SDR9C7: variants seen among roughly 807,000 people sequenced by gnomAD.
SDR9C7 encodes short chain dehydrogenase/reductase family 9C member 7.
In SDR9C7, 11 loss-of-function variants were observed where a neutral mutation model predicts 23.6. The observed-to-expected ratio is 0.47, with a 90% CI of 0.29 to 0.77. SDR9C7 has a LOEUF of 0.77. Among genes scored for constraint, SDR9C7 ranks in the 30% least tolerant of loss-of-function variants. SDR9C7 has a pLI of 0.09. For missense variants in SDR9C7, 387 were observed against 407.1 expected (o/e 0.95, Z 0.42); for synonymous variants, 167 against 157.3 (o/e 1.06, Z -0.46).
Position 56,923,618 on chromosome 12 carries a change from A to T in SDR9C7, c.*215T>A, listed in dbSNP as rs2136365261. 2.2e-6 allele frequency: 1 copy of T among 451,458 alleles called. No individual in the cohort carries two copies. The highest frequency in any genetic ancestry group is 5.7e-4 in the Middle Eastern group (1 of 1,764). The allele number at this position is 451,458 out of a possible 1,614,324, so 28.0% of individuals were successfully genotyped here. A position where few individuals can be genotyped will look rare whatever the true frequency, so the allele number is the denominator to read the frequency against. ...GCTGCAGATCGCTGAACCTGCAAAGACCACCTCAGGTTTCTGTGGGGTCCC... is the reference window on the plus strand; with the variant it reads ...GCTGCAGATCGCTGAACCTGCAAAGTCCACCTCAGGTTTCTGTGGGGTCCC... On this transcript the variant is annotated 3_prime_UTR_variant, in exon 4 of 4. Coordinates refer to ENST00000293502, the MANE Select transcript of SDR9C7 (RefSeq NM_148897.3).
At chr12:56,930,122 A>C in intron 2 of SDR9C7, 104 bp downstream of exon 2, 7 of 1,349,554 alleles carry the variant, frequency 5.2e-6, no homozygotes, top group Non-Finnish European at 7.2e-6. Context: ...CTATTGTGTT[A>C]GCTTCCTGTC....
intron 1 of SDR9C7, among the ~76,000 whole-genome samples, chr12:56,932,150 T>C (rs1001732934): frequency 6.6e-6 from 1 of 152,202 alleles, no homozygotes; most frequent in East Asian, 1.9e-4. Context: ...GAATTAAGGT[T>C]GCAGGTGGAA....
intron 1 of SDR9C7, 115 bp from the exon 2 acceptor site, chr12:56,930,599 C>T (rs1955763225): frequency 1.7e-6 from 2 of 1,151,906 alleles, no homozygotes; most frequent in East Asian, 5.1e-5. Flanking sequence ...CAAGACATAA[C>T]TCGGTCAGGC....
At chr12:56,928,357 A>T (rs1173709482) in intron 3 of SDR9C7, among the ~76,000 whole-genome samples, 1 of 152,136 alleles carries the variant, frequency 6.6e-6, no homozygotes, top group East Asian at 1.9e-4. Context: ...CCTCAAAGTC[A>T]ACTCAGAAGC....
At chr12:56,925,732 A>G (rs1016545487) in intron 3 of SDR9C7, among the ~76,000 whole-genome samples, 7 of 152,230 alleles carry the variant, frequency 4.6e-5, no homozygotes, top group Admixed American at 2.6e-4. Flanking sequence ...GCTGGCACAG[A>G]GGCCACCAGC....
chr12:56,924,206 A>T (rs1955717436), intron 3 of SDR9C7, among the ~76,000 whole-genome samples, 156 bp from the exon 4 acceptor site: 1 of 152,156 alleles, frequency 6.6e-6, no homozygotes, highest in Admixed American at 6.5e-5. Flanking sequence ...ACAAACACAC[A>T]TTTATAAGAC....
At position 56,934,226 on chromosome 12, in the gene SDR9C7, G is replaced by T; in HGVS notation, c.36C>A (p.Arg12=). The change falls in exon 1 of 4, where the codon CGC becomes CGA. Residue 12 remains arginine, a synonymous_variant. Coordinates refer to ENST00000293502, the MANE Select transcript of SDR9C7 (RefSeq NM_148897.3). ...AALTDLSFMY[R]WFKNCNLVGN... ...CAACCAGATTGCAGTTCTTGAACCA[G>T]CGATACATAAATGAGAGGTCTGTGA... The T allele has an allele frequency of 6.2e-7, 1 of 1,614,202 alleles. No individual in the cohort carries two copies. The highest frequency in any genetic ancestry group is 8.5e-7 in the Non-Finnish European group (1 of 1,180,034).
chr12:56,926,276 A>G (rs976654799), intron 3 of SDR9C7, among the ~76,000 whole-genome samples: 1 of 152,150 alleles, frequency 6.6e-6, no homozygotes, highest in East Asian at 1.9e-4. Context: ...TGTCTGTCAC[A>G]TAGCCACCCC....
intron 3 of SDR9C7, 90 bp from the exon 4 acceptor site, chr12:56,924,140 G>A (rs1360443937): frequency 2.3e-6 from 2 of 858,384 alleles, no homozygotes; most frequent in Non-Finnish European, 1.8e-6. Flanking sequence ...CTTTCCATCA[G>A]ATCCCTGATC....
At position 56,923,204 on chromosome 12, in the gene SDR9C7, G is replaced by T. The variant is rs577885884; in HGVS notation, c.*629C>A. ...CCCAGCACCTACAAAGTGCCCGGTA[G>T]GTAGTAGGCACTCAATAAATATTTG... On this transcript the variant is annotated 3_prime_UTR_variant, in exon 4 of 4. Coordinates refer to ENST00000293502, the MANE Select transcript of SDR9C7 (RefSeq NM_148897.3). The T allele has an allele frequency of 2.6e-5, 4 of 152,248 alleles. No individual in the cohort carries two copies. The highest frequency in any genetic ancestry group is 2.6e-4 in the Admixed American group (4 of 15,292). The allele number at this position is 152,248 out of a possible 1,614,324, so 9.4% of individuals were successfully genotyped here. A position where few individuals can be genotyped will look rare whatever the true frequency, so the allele number is the denominator to read the frequency against.
At chr12:56,925,216 G>T (rs532087401) in intron 3 of SDR9C7, among the ~76,000 whole-genome samples, 5 of 152,154 alleles carry the variant, frequency 3.3e-5, no homozygotes, top group Non-Finnish European at 7.4e-5. Flanking sequence ...ACCCACAGGG[G>T]TGGAGATGGG....
rs1445213817 is a variant in SDR9C7, at chr12:56,934,134, T to G, written c.128A>C (p.Lys43Thr). 14 of 1,614,206 alleles carry G rather than the reference T, an allele frequency of 8.7e-6. No homozygotes were observed. Among genetic ancestry groups the G allele is most frequent in the Non-Finnish European group, 1.2e-5 (14 of 1,180,042 alleles). Residue 43 changes from lysine to threonine, a missense_variant, in exon 1 of 4, where the codon AAA becomes ACA. Transcript: ENST00000293502. ...CTGCATGCCCCGATCAACCAGCTGT[T>G]TGGCCAGCAGGTTCCCGAAGCCAGA... ...CDSGFGNLLA[K>T]QLVDRGMQVL...
chr12:56,932,382 C>A (rs972532985), intron 1 of SDR9C7, among the ~76,000 whole-genome samples: 1 of 152,168 alleles, frequency 6.6e-6, no homozygotes, highest in Non-Finnish European at 1.5e-5. Context: ...TGCCAGCTGC[C>A]TCTGGAAGCT....
chr12:56,933,922 G>C (rs1955782268), intron 1 of SDR9C7, 39 bp downstream of exon 1: 1 of 1,571,616 alleles, frequency 6.4e-7, no homozygotes, highest in Non-Finnish European at 8.6e-7. Context: ...AGAGGAAGAA[G>C]GAGAAACCAA....
At chr12:56,928,954 G>C (rs1453367753) in intron 3 of SDR9C7, among the ~76,000 whole-genome samples, 1 of 152,160 alleles carries the variant, frequency 6.6e-6, no homozygotes, top group Non-Finnish European at 1.5e-5. Context: ...AACCCCATGA[G>C]GGAGGCACTA....
Position 56,923,636 on chromosome 12 carries a change from G to A in SDR9C7, c.*197C>T. On this transcript the variant is annotated 3_prime_UTR_variant, in exon 4 of 4. Transcript: ENST00000293502. ...TGCAAAGACCACCTCAGGTTTCTGT[G>A]GGGTCCCAGAGGGTGGGAAGAGGCA... The A allele has an allele frequency of 2.1e-6, 1 of 486,956 alleles. No individual in the cohort carries two copies. Among genetic ancestry groups the A allele is most frequent in the Non-Finnish European group, 3.6e-6 (1 of 277,034 alleles). 30.2% of individuals were successfully genotyped at this position (486,956 alleles called of 1,614,324 possible).
rs1216592175 is a variant in SDR9C7, at chr12:56,923,662, T to C, written c.*171A>G. On this transcript the variant is annotated 3_prime_UTR_variant, in exon 4 of 4. Transcript: ENST00000293502. ...GGGTCCCAGAGGGTGGGAAGAGGCA[T>C]TCACCTTCTGTTAGAAGTTACTGGT... 2 of 564,202 alleles carry C rather than the reference T, an allele frequency of 3.5e-6. No homozygotes were observed. Among genetic ancestry groups the C allele is most frequent in the African/African-American group, 3.8e-5 (2 of 53,046 alleles). 34.9% of individuals were successfully genotyped at this position (564,202 alleles called of 1,614,324 possible). A position where few individuals can be genotyped will look rare whatever the true frequency, so the allele number is the denominator to read the frequency against.
chr12:56,934,392 C>T lies in SDR9C7; in HGVS notation c.-131G>A, dbSNP rs1234285839. The T allele has an allele frequency of 2.1e-5, 16 of 748,796 alleles. No homozygotes were observed. In the East Asian group the frequency reaches 4.0e-4, roughly 19 times the overall value. 46.4% of individuals were successfully genotyped at this position (748,796 alleles called of 1,614,324 possible). A position where few individuals can be genotyped will look rare whatever the true frequency, so the allele number is the denominator to read the frequency against. On this transcript the variant is annotated 5_prime_UTR_variant, in exon 1 of 4. Coordinates refer to ENST00000293502, the MANE Select transcript of SDR9C7 (RefSeq NM_148897.3). Reference sequence around the variant, plus strand: ...AGAAGAACTCTCCTTCCTCCCACAGCTTGCAACAAATCTAGGTCCCTGGGT... The same window carrying T: ...AGAAGAACTCTCCTTCCTCCCACAGTTTGCAACAAATCTAGGTCCCTGGGT...
intron 1 of SDR9C7, among the ~76,000 whole-genome samples, chr12:56,931,793 G>C (rs2629413): frequency 0.27 from 41,366 of 151,732 alleles, 7,336 homozygotes; most frequent in African/African-American, 0.5. Context: ...CTGGTGATTC[G>C]CACCACAGCC....
Sources: gnomAD v4.1 joint callset for allele counts (sites outside exome capture counted in the v4.1 genomes callset) on GRCh38, gnomAD v4.1.1 for gene constraint, MANE v1.5 for transcripts, NCBI Gene and HGNC (gene_info 2026-07-23, HGNC 2026-07-21) for gene names.